Variants in FGGY observed in about 807,000 individuals in gnomAD.
FGGY encodes FGGY carbohydrate kinase domain-containing protein.
In FGGY, 72 loss-of-function variants were observed where a neutral mutation model predicts 71.3. That is an observed-to-expected ratio of 1.01 (90% CI 0.84 to 1.23). The LOEUF (loss-of-function observed/expected upper bound fraction) is 1.23, where lower values mean the gene tolerates loss of function less well. Ranked by LOEUF, FGGY falls within the 50% of genes most tolerant of loss-of-function variation. The probability of loss-of-function intolerance (pLI) is 0.00; values close to 1 mark genes in which losing one functional copy is unlikely to be tolerated. For synonymous variants in FGGY, 251 were observed against 250.3 expected (o/e 1.00, Z -0.02); for missense variants, 668 against 682.3 (o/e 0.98, Z 0.23).
intron 10 of FGGY, among the ~76,000 whole-genome samples, chr1:59,633,019 CT>C (rs948484907): frequency 3.9e-5 from 3 of 77,816 alleles, no homozygotes; most frequent in South Asian, 3.9e-4. Flanking sequence ...TTTTTTTTTT[CT>C]TTTTTTTTGA....
chr1:59,457,602 G>A (rs1364271203), intron 6 of FGGY, among the ~76,000 whole-genome samples: 1 of 151,772 alleles, frequency 6.6e-6, no homozygotes, highest in Non-Finnish European at 1.5e-5. Context: ...AACAGACAGA[G>A]CAGAACTCTG....
At position 59,304,701 on chromosome 1, in the gene FGGY, A is replaced by G. The variant is rs543365143; in HGVS notation, c.-15+7551A>G. On this transcript the variant is annotated intron_variant, in intron 1 of 15. Transcript: ENST00000303721. ...ATATTATTTCTACCAGTCTGTGAAC[A>G]TGGATATGTTTCCATTTATTTGTGT... Among the ~76,000 whole-genome samples, 4 of 152,198 alleles carry G rather than the reference A, an allele frequency of 2.6e-5. No homozygotes were observed. In the South Asian group the frequency reaches 6.2e-4, roughly 24 times the overall value.
At chr1:59,614,412 A>C (rs1443914906) in intron 9 of FGGY, among the ~76,000 whole-genome samples, 2 of 152,208 alleles carry the variant, frequency 1.3e-5, no homozygotes, top group Non-Finnish European at 2.9e-5. Context: ...TGATTATCTC[A>C]ATAGATGCAG....
At chr1:59,753,854 G>A (rs2098268091) in intron 14 of FGGY, among the ~76,000 whole-genome samples, 1 of 152,032 alleles carries the variant, frequency 6.6e-6, no homozygotes, top group Non-Finnish European at 1.5e-5. Flanking sequence ...CCCTGCTCTG[G>A]TTAAAAATCC....
intron 14 of FGGY, among the ~76,000 whole-genome samples, chr1:59,730,814 T>C (rs2098017780): frequency 6.6e-6 from 1 of 152,172 alleles, no homozygotes; most frequent in African/African-American, 2.4e-5. Context: ...AATGAGTAGC[T>C]GTTAGCCTGT....
intron 14 of FGGY, among the ~76,000 whole-genome samples, chr1:59,728,726 G>A (rs920399584): frequency 5.3e-5 from 8 of 151,764 alleles, no homozygotes; most frequent in African/African-American, 1.7e-4. Context: ...TTATTTACAC[G>A]GTTTTCTGAG....
At chr1:59,607,738 G>C (rs1200799284) in intron 8 of FGGY, 65 bp from the exon 9 acceptor site, 2 of 1,239,378 alleles carry the variant, frequency 1.6e-6, no homozygotes, top group Non-Finnish European at 2.3e-6. Flanking sequence ...GAAATATTAG[G>C]AGGAGAACCC....
intron 5 of FGGY, among the ~76,000 whole-genome samples, chr1:59,440,326 G>A (rs911816845): frequency 6.6e-6 from 1 of 152,066 alleles, no homozygotes; most frequent in Admixed American, 6.6e-5. Flanking sequence ...AAAGAGGATA[G>A]CAAGCAGGCA....
intron 8 of FGGY, among the ~76,000 whole-genome samples, chr1:59,581,629 C>T (rs2096196340): frequency 6.7e-6 from 1 of 150,142 alleles, no homozygotes; most frequent in Non-Finnish European, 1.5e-5. Flanking sequence ...TATTGAGCTG[C>T]AGTCTACCCT....
At chr1:59,540,527 T>A (rs1172037261) in intron 7 of FGGY, among the ~76,000 whole-genome samples, 13 of 152,174 alleles carry the variant, frequency 8.5e-5, no homozygotes, top group African/African-American at 2.7e-4. Context: ...GGTGTAGACA[T>A]CTGGACAGTG....
chr1:59,437,590 A>G (rs566245663), intron 5 of FGGY, among the ~76,000 whole-genome samples: 4 of 152,366 alleles, frequency 2.6e-5, no homozygotes, highest in African/African-American at 9.6e-5. Flanking sequence ...TGCTTAACTC[A>G]TATTAACACT....
chr1:59,299,563 T>C (rs1245809101), intron 1 of FGGY, among the ~76,000 whole-genome samples: 1 of 152,184 alleles, frequency 6.6e-6, no homozygotes, highest in Non-Finnish European at 1.5e-5. Flanking sequence ...AGGAATGTTA[T>C]AAAGGTTCAG....
At chr1:59,586,616 C>T (rs912142931) in intron 8 of FGGY, among the ~76,000 whole-genome samples, 15 of 151,960 alleles carry the variant, frequency 9.9e-5, no homozygotes, top group Admixed American at 9.2e-4. Flanking sequence ...ATGTAACAAA[C>T]CTGCACATTG....
intron 4 of FGGY, among the ~76,000 whole-genome samples, chr1:59,348,400 T>TG (rs1210363745): frequency 2.0e-5 from 3 of 152,208 alleles, no homozygotes; most frequent in Non-Finnish European, 4.4e-5. Flanking sequence ...TCAAAGCACT[T>TG]GCAGGTGGCT....
At chr1:59,542,445 C>CTTTTT (rs754831417) in intron 7 of FGGY, among the ~76,000 whole-genome samples, 487 of 34,292 alleles carry the variant, frequency 0.014, 61 homozygotes, top group Middle Eastern at 0.048. Flanking sequence ...ATGTTCTTTA[C>CTTTTT]TTTTTTTTTT....
intron 5 of FGGY, among the ~76,000 whole-genome samples, chr1:59,413,103 T>A (rs2063840784): frequency 6.6e-6 from 1 of 152,220 alleles, no homozygotes; most frequent in African/African-American, 2.4e-5. Flanking sequence ...AGCTGGCAGA[T>A]TTCTATCCTT....
intron 14 of FGGY, among the ~76,000 whole-genome samples, chr1:59,743,086 C>G (rs901119456): frequency 8.5e-5 from 13 of 152,234 alleles, no homozygotes; most frequent in East Asian, 5.8e-4. Flanking sequence ...AAAATCTGAC[C>G]CCTGCCTTCA....
chr1:59,556,271 G>C (rs1331955843), intron 8 of FGGY, among the ~76,000 whole-genome samples: 1 of 152,078 alleles, frequency 6.6e-6, no homozygotes, highest in East Asian at 1.9e-4. Context: ...TGAATCTCAG[G>C]CATTTTTACC....
At chr1:59,754,528 A>G (rs2098274103) in intron 14 of FGGY, among the ~76,000 whole-genome samples, 1 of 152,194 alleles carries the variant, frequency 6.6e-6, no homozygotes, top group African/African-American at 2.4e-5. Context: ...GGTTCAAGCA[A>G]TTCTTGTGCC....
Sources: allele counts gnomAD v4.1 joint callset (sites outside exome capture counted in the v4.1 genomes callset), GRCh38; gene constraint gnomAD v4.1.1; transcripts MANE v1.5; gene names NCBI Gene and HGNC (gene_info 2026-07-23, HGNC 2026-07-21).